The following PPP1CC variants were observed in gnomAD, a reference collection of about 807,000 sequenced individuals.
The protein encoded by PPP1CC is serine/threonine-protein phosphatase PP1-gamma catalytic subunit.
In PPP1CC, 16 loss-of-function variants were observed where a neutral mutation model predicts 38.4. The ratio of observed to expected loss-of-function variants is 0.42; its 90% CI spans 0.28 to 0.63. PPP1CC has a LOEUF of 0.63. Ranked by LOEUF, PPP1CC falls within the 30% of genes least tolerant of loss-of-function variation. The pLI is 0.25. For synonymous variants in PPP1CC, 158 were observed against 136.0 expected, an observed-to-expected ratio of 1.16 and a Z score of -1.13; for missense variants, 170 against 391.3, an observed-to-expected ratio of 0.43 and a Z score of 4.77.
intron 4 of PPP1CC, among the ~76,000 whole-genome samples, chr12:110,723,174 T>C (rs930161216): frequency 6.6e-6 from 1 of 152,184 alleles, no homozygotes; most frequent in Non-Finnish European, 1.5e-5. Flanking sequence ...GGATGCATAT[T>C]GTAAGAGTTA....
chr12:110,724,455 T>C (rs770136391), intron 4 of PPP1CC, among the ~76,000 whole-genome samples: 1 of 152,018 alleles, frequency 6.6e-6, no homozygotes, highest in Non-Finnish European at 1.5e-5. Context: ...GCTTACAGAG[T>C]CTAGAATTCC....
At position 110,721,038 on chromosome 12, in the gene PPP1CC, A is replaced by G. The variant is rs1043692769; in HGVS notation, c.*38T>C. ...CTTAAAAATGAAGGTTATATACTCT[A>G]TGTTACAAGTCCCGACTAGGCAGTG... is the stretch of plus-strand genomic sequence containing the variant. On this transcript the variant is annotated 3_prime_UTR_variant, in exon 7 of 7. Transcript: ENST00000335007. The G allele has an allele frequency of 6.4e-7, 1 of 1,562,792 alleles. No individual in the cohort carries two copies. Among genetic ancestry groups the G allele is most frequent in the African/African-American group, 1.4e-5 (1 of 73,840 alleles).
At position 110,719,766 on chromosome 12, in the gene PPP1CC, G is replaced by A. The variant is rs1024184143; in HGVS notation, c.*1310C>T. The A allele has an allele frequency of 5.1e-5, 11 of 214,170 alleles. No individual in the cohort carries two copies. The highest frequency in any genetic ancestry group is 2.6e-4 in the African/African-American group (11 of 43,028). The allele number at this position is 214,170 out of a possible 1,614,324, so 13.3% of individuals were successfully genotyped here. ...AGTATCTGTATTATAATCCATCTTT[G>A]GAAAACAGACTATTTGAAAGAAGCA... is the stretch of plus-strand genomic sequence containing the variant. On this transcript the variant is annotated 3_prime_UTR_variant, in exon 7 of 7. Transcript: ENST00000335007.
intron 1 of PPP1CC, among the ~76,000 whole-genome samples, chr12:110,737,497 A>AAAAAAAAAAAAAAAAG (rs2069959460): frequency 2.0e-5 from 3 of 147,622 alleles, no homozygotes; most frequent in African/African-American, 7.7e-5. Context: ...AAAAAAAAAA[A>AAAAAAAAAAAAAAAAG]AAAAGAAAAG....
the PPP1CC span, among the ~76,000 whole-genome samples, chr12:110,711,940 AAAC>A: frequency 1.3e-5 from 2 of 151,460 alleles, no homozygotes; most frequent in African/African-American, 2.4e-5. Flanking sequence ...AACAACAACA[AAAC>A]AACAACAAAC....
At chr12:110,718,540 C>G (rs143497471), downstream of PPP1CC, among the ~76,000 whole-genome samples, 80 of 152,248 alleles carry the variant, frequency 5.3e-4, no homozygotes, top group African/African-American at 1.8e-3. Context: ...AGGTGCAAAG[C>G]AAAGCAAAGG....
the PPP1CC span, among the ~76,000 whole-genome samples, chr12:110,713,057 G>T: frequency 8.6e-5 from 13 of 151,962 alleles, no homozygotes; most frequent in South Asian, 2.5e-3. Context: ...TGGGCAACAA[G>T]AACGAAACTC....
the PPP1CC span, among the ~76,000 whole-genome samples, chr12:110,708,623 C>T: frequency 6.6e-6 from 1 of 151,936 alleles, no homozygotes; most frequent in Non-Finnish European, 1.5e-5. Flanking sequence ...CCAAGGTAGG[C>T]AGATTACTTG....
the PPP1CC span, among the ~76,000 whole-genome samples, chr12:110,713,013 C>T: frequency 4.0e-5 from 6 of 151,856 alleles, no homozygotes; most frequent in Non-Finnish European, 5.9e-5. Flanking sequence ...GTGGAGGTTG[C>T]GGTGAGCCGA....
intron 4 of PPP1CC, among the ~76,000 whole-genome samples, chr12:110,724,347 G>T (rs2069771726): frequency 6.6e-6 from 1 of 152,184 alleles, no homozygotes; most frequent in African/African-American, 2.4e-5. Context: ...GACTGCTTGA[G>T]CCCAGGAATT....
chr12:110,715,642 C>T (rs192328781), downstream of PPP1CC, among the ~76,000 whole-genome samples: 72 of 151,558 alleles, frequency 4.8e-4, 1 homozygote, highest in African/African-American at 1.4e-3. Context: ...TTTTTTGAGA[C>T]GGAGTTTTGC....
Position 110,722,520 on chromosome 12 carries a change from T to C in PPP1CC, c.699A>G (p.Ala233=), listed in dbSNP as rs1017526241. ...VSFTFGAEVV[A]KFLHKHDLDL... ...CCAAATCATGCTTATGGAGAAATTT[T>C]GCAACCACTTCTGCACCAAATGTGA... The change falls in exon 5 of 7, where the codon GCA becomes GCG. Residue 233 remains alanine (A), a synonymous_variant. Coordinates refer to ENST00000335007, the MANE Select transcript of PPP1CC (RefSeq NM_002710.4). This position sits in a 1 kb window ranked among gnomAD's most constrained non-coding sequence, Gnocchi z 5.4. 8 of 1,614,146 alleles carry C rather than the reference T, an allele frequency of 5.0e-6. No homozygotes were observed. The highest frequency in any genetic ancestry group is 1.7e-5 in the Admixed American group (1 of 60,010).
At chr12:110,727,755 A>ATC (rs1003617305) in intron 3 of PPP1CC, among the ~76,000 whole-genome samples, 2 of 152,208 alleles carry the variant, frequency 1.3e-5, no homozygotes, top group African/African-American at 4.8e-5. Context: ...TTATATATAT[A>ATC]TTAAATGTCT....
chr12:110,723,446 T>C (rs1023380099), intron 4 of PPP1CC, among the ~76,000 whole-genome samples: 3 of 152,244 alleles, frequency 2.0e-5, no homozygotes, highest in African/African-American at 7.2e-5. Context: ...CTCTTTGCAA[T>C]TACTATTTTA....
chr12:110,719,306 G>A (rs2069713289), downstream of PPP1CC, among the ~76,000 whole-genome samples: 1 of 152,180 alleles, frequency 6.6e-6, no homozygotes. Context: ...CTTGTTAGCA[G>A]AGGGGAGTCC....
the PPP1CC span, among the ~76,000 whole-genome samples, chr12:110,713,550 C>G: frequency 6.6e-6 from 1 of 152,120 alleles, no homozygotes; most frequent in Non-Finnish European, 1.5e-5. Flanking sequence ...TAACATCTTA[C>G]TAATGCTGGT....
Position 110,722,708 on chromosome 12 carries a change from G to GAAA in PPP1CC, c.524-16_524-14dup. 3.3e-6 allele frequency: 4 copies of GAAA among 1,219,318 alleles called. No homozygotes were observed. Among genetic ancestry groups the GAAA allele is most frequent in the Non-Finnish European group, 3.3e-6 (3 of 898,824 alleles). The allele number at this position is 1,219,318 out of a possible 1,614,324, so 75.5% of individuals were successfully genotyped here. A position where few individuals can be genotyped will look rare whatever the true frequency, so the allele number is the denominator to read the frequency against. On this transcript the variant is annotated splice_polypyrimidine_tract_variant and intron_variant, in intron 4 of 6. Coordinates refer to ENST00000335007, the MANE Select transcript of PPP1CC (RefSeq NM_002710.4). This position sits in a 1 kb window ranked among gnomAD's most constrained non-coding sequence, Gnocchi z 5.4. ...TCTGGTGATAAACCTATTCAATGAG[G>GAAA]AAAAAAAAAAAATGAAGAAAGCAGA...
downstream of PPP1CC, among the ~76,000 whole-genome samples, chr12:110,716,650 A>T (rs1011631333): frequency 2.6e-5 from 4 of 152,214 alleles, no homozygotes; most frequent in Non-Finnish European, 5.9e-5. Context: ...CACTGCACCC[A>T]GCCTAGTTTT....
intron 3 of PPP1CC, among the ~76,000 whole-genome samples, chr12:110,727,863 C>T (rs2069819007): frequency 6.6e-6 from 1 of 152,090 alleles, no homozygotes; most frequent in Non-Finnish European, 1.5e-5. Flanking sequence ...AGAGAGGAAG[C>T]TTGAGCATAA....
Sources: gnomAD v4.1 joint callset for allele counts (sites outside exome capture counted in the v4.1 genomes callset) on GRCh38, gnomAD v4.1.1 for gene constraint, Gnocchi (gnomAD v3.1) non-coding constraint, MANE v1.5 for transcripts, NCBI Gene and HGNC (gene_info 2026-07-23, HGNC 2026-07-21) for gene names.